PPARGC1A: variants seen among roughly 807,000 people sequenced by gnomAD.
PPARGC1A encodes the protein PPARG coactivator 1 alpha.
Under a neutral mutation model 88.7 loss-of-function variants are expected in PPARGC1A, and 25 were observed. That is an observed-to-expected ratio of 0.28 (90% confidence interval 0.21 to 0.39). PPARGC1A has a LOEUF of 0.39. PPARGC1A is among the 10% of genes least tolerant of loss of function. The pLI is 1.00. For missense variants in PPARGC1A, 880 were observed against 968.7 expected, an observed-to-expected ratio of 0.91 and a Z score of 1.22; for synonymous variants, 363 against 355.6, an observed-to-expected ratio of 1.02 and a Z score of -0.24.
the PPARGC1A span, among the ~76,000 whole-genome samples, chr4:24,411,284 T>C: frequency 6.6e-6 from 1 of 152,344 alleles, no homozygotes; most frequent in East Asian, 1.9e-4. Context: ...TACTCAGTGC[T>C]TTACAATTAA....
Position 23,801,779 on chromosome 4 carries a change from C to G in PPARGC1A, c.2244G>C (p.Leu748=). The G allele has an allele frequency of 1.9e-6, 3 of 1,613,998 alleles. No individual in the cohort carries two copies. Among genetic ancestry groups the G allele is most frequent in the Non-Finnish European group, 2.5e-6 (3 of 1,179,956 alleles). The part of the protein sequence containing the change: ...LRRSNETDFE[L]YFCGRKQFFK... ...AAAATTGCTTGCGTCCACAAAAGTA[C>G]AGCTCAAAGTCAGTTTCGTTTGACC... The change falls in exon 12 of 13, where the codon CTG becomes CTC. Residue 748 remains leucine, a synonymous_variant. Coordinates refer to ENST00000264867, the MANE Select transcript of PPARGC1A (RefSeq NM_013261.5).
the PPARGC1A span, among the ~76,000 whole-genome samples, chr4:24,451,491 A>G: frequency 1.3e-5 from 2 of 152,244 alleles, no homozygotes; most frequent in African/African-American, 2.4e-5. Context: ...TACAGTCATT[A>G]CATTCTATGC....
intron 10 of PPARGC1A, among the ~76,000 whole-genome samples, chr4:23,811,637 A>T (rs1720910023): frequency 6.6e-6 from 1 of 152,194 alleles, no homozygotes; most frequent in Admixed American, 6.5e-5. Context: ...AAACAGCGGT[A>T]GGGAGTTGGG....
At chr4:23,906,439 C>T (rs1216475440), upstream of PPARGC1A, among the ~76,000 whole-genome samples, 1 of 151,616 alleles carries the variant, frequency 6.6e-6, no homozygotes, top group East Asian at 1.9e-4. Flanking sequence ...AGGGTGAAAC[C>T]CTGTATCTAC....
At chr4:24,028,946 C>A in the PPARGC1A span, among the ~76,000 whole-genome samples, 1 of 152,126 alleles carries the variant, frequency 6.6e-6, no homozygotes, top group African/African-American at 2.4e-5. Context: ...AATAAGGCAA[C>A]AGTCTATGAC....
At chr4:23,985,590 T>C in the PPARGC1A span, among the ~76,000 whole-genome samples, 52 of 135,634 alleles carry the variant, frequency 3.8e-4, no homozygotes, top group Admixed American at 1.4e-3. Context: ...GGCACATCCA[T>C]AAGCATTGTG....
At chr4:24,249,871 A>T in the PPARGC1A span, among the ~76,000 whole-genome samples, 19 of 152,236 alleles carry the variant, frequency 1.2e-4, no homozygotes, top group African/African-American at 2.9e-4. Flanking sequence ...CCCCTAGCAC[A>T]ATACCTAGCC....
At position 23,831,573 on chromosome 4, in the gene PPARGC1A, G is replaced by A. The variant is rs1725002240; in HGVS notation, c.413C>T (p.Ala138Val). 1.2e-6 allele frequency: 2 copies of A among 1,613,926 alleles called. No individual in the cohort carries two copies. The highest frequency in any genetic ancestry group is 8.5e-7 in the Non-Finnish European group (1 of 1,179,862). ...MPDGTPPPQE[A>V]EEPSLLKKLL... ...GGTTCTTACTAGAGACGGCTCTTCT[G>A]CCTCCTGGGGTGGAGGGGTGCCGTC... Residue 138 changes from alanine to valine, a missense_variant, in exon 3 of 13, where the codon GCA (alanine) becomes GTA (valine). Coordinates refer to ENST00000264867, the MANE Select transcript of PPARGC1A (RefSeq NM_013261.5).
the PPARGC1A span, among the ~76,000 whole-genome samples, chr4:24,343,355 T>A: frequency 6.6e-6 from 1 of 152,032 alleles, no homozygotes; most frequent in Non-Finnish European, 1.5e-5. Flanking sequence ...TACCCATGGA[T>A]GAGATTAGTG....
chr4:24,102,335 A>G, the PPARGC1A span, among the ~76,000 whole-genome samples: 1 of 152,160 alleles, frequency 6.6e-6, no homozygotes, highest in East Asian at 1.9e-4. Flanking sequence ...ATATCCATGG[A>G]TACCTACACA....
At chr4:24,417,699 G>C in the PPARGC1A span, among the ~76,000 whole-genome samples, 3 of 152,138 alleles carry the variant, frequency 2.0e-5, no homozygotes, top group Admixed American at 2.0e-4. Context: ...AGGTTACAAT[G>C]TAGAAATAAT....
chr4:24,227,756 T>G, the PPARGC1A span, among the ~76,000 whole-genome samples: 1 of 152,226 alleles, frequency 6.6e-6, no homozygotes, highest in East Asian at 1.9e-4. Context: ...TCCAGCATCC[T>G]CATTACCTGG....
chr4:24,138,224 C>T, the PPARGC1A span, among the ~76,000 whole-genome samples: 3 of 152,198 alleles, frequency 2.0e-5, no homozygotes, highest in Non-Finnish European at 2.9e-5. Context: ...ATGCATCCCC[C>T]CTTTTAATTC....
intron 2 of PPARGC1A, among the ~76,000 whole-genome samples, chr4:23,845,865 G>A (rs1728222878): frequency 6.6e-6 from 1 of 152,150 alleles, no homozygotes; most frequent in Admixed American, 6.5e-5. Context: ...TTTAGATACT[G>A]AGCTTCTTTT....
At chr4:24,099,776 T>C in the PPARGC1A span, among the ~76,000 whole-genome samples, 2 of 151,938 alleles carry the variant, frequency 1.3e-5, no homozygotes, top group Non-Finnish European at 2.9e-5. Context: ...AATACCAACA[T>C]CCTAATGTAA....
At chr4:24,109,177 A>G in the PPARGC1A span, among the ~76,000 whole-genome samples, 1 of 152,018 alleles carries the variant, frequency 6.6e-6, no homozygotes, top group African/African-American at 2.4e-5. Flanking sequence ...ATAATTAATT[A>G]TTAAAATATG....
the PPARGC1A span, among the ~76,000 whole-genome samples, chr4:24,022,482 G>A: frequency 6.6e-6 from 1 of 152,252 alleles, no homozygotes; most frequent in Non-Finnish European, 1.5e-5. Context: ...CCACGGGGCT[G>A]GGGTTTTCTC....
chr4:24,014,523 T>G, the PPARGC1A span, among the ~76,000 whole-genome samples: 1 of 152,198 alleles, frequency 6.6e-6, no homozygotes, highest in Admixed American at 6.6e-5. Context: ...TCTCACGGCC[T>G]TGCAAGTCTA....
chr4:24,103,746 C>T, the PPARGC1A span, among the ~76,000 whole-genome samples: 1 of 152,202 alleles, frequency 6.6e-6, no homozygotes, highest in Non-Finnish European at 1.5e-5. Context: ...AGGCTGACTG[C>T]TGTCCCCAAA....
Sources: gnomAD v4.1 joint callset for allele counts (sites outside exome capture counted in the v4.1 genomes callset) on GRCh38, gnomAD v4.1.1 for gene constraint, MANE v1.5 for transcripts, NCBI Gene and HGNC (gene_info 2026-07-23, HGNC 2026-07-21) for gene names.